The following CORO1C variants were observed in gnomAD, a reference collection of about 807,000 sequenced individuals.
The protein encoded by CORO1C is coronin-1C.
In CORO1C, 14 loss-of-function variants were observed where a neutral mutation model predicts 51.2. The observed-to-expected ratio is 0.27, with a 90% confidence interval of 0.18 to 0.43. The LOEUF is 0.43. Among genes scored for constraint, CORO1C ranks in the 20% least tolerant of loss-of-function variants. CORO1C has a pLI of 1.00. For missense variants in CORO1C, 417 were observed against 607.8 expected, an observed-to-expected ratio of 0.69 and a Z score of 3.30; for synonymous variants, 181 against 210.5, an observed-to-expected ratio of 0.86 and a Z score of 1.21.
At chr12:108,708,830 G>A (rs947465056) in intron 1 of CORO1C, among the ~76,000 whole-genome samples, 1 of 151,834 alleles carries the variant, frequency 6.6e-6, no homozygotes, top group Non-Finnish European at 1.5e-5. Flanking sequence ...ATAGCTCATT[G>A]CAGCCTGAAA....
rs745728099 is a variant in CORO1C at position 108,649,029 on chromosome 12, G to A, written c.1002-9C>T. ...CATGAAGTTTGAAGAATCTTCAGAG[G>A]GGAAATAAAGGCAAAGTTGCATTAA... On this transcript the variant is annotated splice_polypyrimidine_tract_variant and intron_variant, in intron 8 of 10. Transcript: ENST00000261401. 5.0e-6 allele frequency: 8 copies of A among 1,613,806 alleles called. No homozygotes were observed. In the East Asian group the frequency reaches 1.3e-4, roughly 27 times the overall value.
intron 8 of CORO1C, among the ~76,000 whole-genome samples, chr12:108,650,018 G>C (rs2136792220): frequency 6.6e-6 from 1 of 152,254 alleles, no homozygotes; most frequent in Non-Finnish European, 1.5e-5. Context: ...AGACAACCTG[G>C]CAGATACACT....
At chr12:108,662,284 A>G (rs1592861976) in intron 3 of CORO1C, 126 bp from the exon 4 acceptor site, 4 of 805,392 alleles carry the variant, frequency 5.0e-6, no homozygotes, top group Non-Finnish European at 8.0e-6. Flanking sequence ...TCTGGATGAA[A>G]GGCAGAATGT....
intron 2 of CORO1C, among the ~76,000 whole-genome samples, chr12:108,699,495 G>A (rs34292438): frequency 0.019 from 2,897 of 152,268 alleles, 39 homozygotes; most frequent in Non-Finnish European, 0.032. Flanking sequence ...ATAAAAACTC[G>A]TAACTCCAAA....
chr12:108,647,487 C>T lies in CORO1C; in HGVS notation c.1341G>A (p.Glu447=). Residue 447 remains glutamate (E), a synonymous_variant, in exon 11 of 11, where the codon GAG becomes GAA. Transcript: ENST00000261401. Reference sequence around the variant, plus strand: ...AGATTGTGTCTTTTATAGATTTGATCTCTTTTAAAATCTCATCCAACTTGG... The same window carrying T: ...AGATTGTGTCTTTTATAGATTTGATTTCTTTTAAAATCTCATCCAACTTGG... The part of the protein sequence containing the change: ...NEAKLDEILK[E]IKSIKDTICN... 2 of 1,605,878 alleles carry T rather than the reference C, an allele frequency of 1.2e-6. No homozygotes were observed. The highest frequency in any genetic ancestry group is 1.1e-5 in the South Asian group (1 of 90,518).
At chr12:108,710,685 T>G (rs147132916) in intron 1 of CORO1C, among the ~76,000 whole-genome samples, 1 of 151,998 alleles carries the variant, frequency 6.6e-6, no homozygotes, top group African/African-American at 2.4e-5. Context: ...TGCCTCAGCC[T>G]CCCGAGTAGC....
intron 1 of CORO1C, among the ~76,000 whole-genome samples, chr12:108,704,146 AC>A (rs2034959506): frequency 6.6e-6 from 1 of 152,206 alleles, no homozygotes; most frequent in Non-Finnish European, 1.5e-5. Context: ...AAGATACTAT[AC>A]AAATCTTCTG....
At position 108,702,929 on chromosome 12, in the gene CORO1C, C is replaced by G. The variant is rs2034921013; in HGVS notation, c.-5-1606G>C. On this transcript the variant is annotated intron_variant, in intron 1 of 10. Coordinates refer to ENST00000261401, the MANE Select transcript of CORO1C (RefSeq NM_014325.4). ...AGCTGTTATTGCCAGACTTTCCCAG[C>G]TGACTACCAGGGCCATACATTTTGA... 2.0e-6 allele frequency: 3 copies of G among 1,534,904 alleles called. No homozygotes were observed. In the African/African-American group the frequency reaches 4.1e-5, roughly 21 times the overall value.
intron 1 of CORO1C, chr12:108,730,689 TC>T (rs2035700403): frequency 6.6e-6 from 1 of 151,786 alleles, no homozygotes; most frequent in Non-Finnish European, 1.5e-5. Flanking sequence ...GCTTCGTTCC[TC>T]CCCTCCCAAC....
rs144967609 is a variant in CORO1C, at chr12:108,654,353, G to A, written c.808C>T (p.Leu270=). Residue 270 remains leucine, a synonymous_variant, in exon 7 of 11, where the codon CTG becomes TTG. Coordinates refer to ENST00000261401, the MANE Select transcript of CORO1C (RefSeq NM_014325.4). ...HEMDTSNGVL[L]PFYDPDTSII... ...CTGGTGTCAGGGTCATAGAAAGGCA[G>A]CAACACCCCATTGCTAGTGTCCATC... 3.7e-5 allele frequency: 59 copies of A among 1,613,408 alleles called. No homozygotes were observed. Among genetic ancestry groups the A allele is most frequent in the Non-Finnish European group, 4.5e-5 (53 of 1,179,516 alleles).
rs1319522050 is a variant in CORO1C at position 108,645,669 on chromosome 12, C to T, written c.*1734G>A. 6.6e-6 allele frequency: 1 copy of T among 152,152 alleles called. No individual in the cohort carries two copies. The highest frequency in any genetic ancestry group is 6.5e-5 in the Admixed American group (1 of 15,280). The allele number at this position is 152,152 out of a possible 1,614,324, so 9.4% of individuals were successfully genotyped here. A position where few individuals can be genotyped will look rare whatever the true frequency, so the allele number is the denominator to read the frequency against. On this transcript the variant is annotated 3_prime_UTR_variant, in exon 11 of 11. Transcript: ENST00000261401. Reference sequence around the variant, plus strand: ...ACTCCCAGTATTGGCTGGATAAGAACATGGTCCTTTTTCTACACGGACATT... The same window carrying T: ...ACTCCCAGTATTGGCTGGATAAGAATATGGTCCTTTTTCTACACGGACATT...
At chr12:108,657,658 C>T (rs777949815) in intron 5 of CORO1C, among the ~76,000 whole-genome samples, 18 of 152,328 alleles carry the variant, frequency 1.2e-4, no homozygotes, top group Admixed American at 9.8e-4. Flanking sequence ...TCAGAAGACT[C>T]GCTCTCTCCA....
At chr12:108,700,468 A>G (rs2136864567) in intron 2 of CORO1C, among the ~76,000 whole-genome samples, 1 of 152,288 alleles carries the variant, frequency 6.6e-6, no homozygotes, top group South Asian at 2.1e-4. Context: ...TGGGAGGATA[A>G]AGGAAGGAGG....
At chr12:108,714,178 C>CT (rs2035262512) in intron 1 of CORO1C, among the ~76,000 whole-genome samples, 1 of 151,682 alleles carries the variant, frequency 6.6e-6, no homozygotes, top group Non-Finnish European at 1.5e-5. Flanking sequence ...ATCACGAAGT[C>CT]AAGGGATTGA....
At chr12:108,730,802 T>C (rs1246475571) in intron 1 of CORO1C, 1 of 126,942 alleles carries the variant, frequency 7.9e-6, no homozygotes, top group South Asian at 2.6e-4. Flanking sequence ...CCGCCCCGCC[T>C]GACCCCCAAC....
chr12:108,676,551 C>A (rs2033915800), intron 3 of CORO1C, among the ~76,000 whole-genome samples: 2 of 151,852 alleles, frequency 1.3e-5, no homozygotes, highest in African/African-American at 4.8e-5. Context: ...GCGGGGGGAT[C>A]ACTTGAGGTC....
intron 10 of CORO1C, among the ~76,000 whole-genome samples, chr12:108,648,331 A>G (rs1482486163): frequency 6.6e-6 from 1 of 152,198 alleles, no homozygotes; most frequent in Admixed American, 6.5e-5. Flanking sequence ...ACTGAGAGAT[A>G]GGAGGAAACT....
chr12:108,701,051 T>A, intron 2 of CORO1C, 73 bp downstream of exon 2: 5 of 1,498,516 alleles, frequency 3.3e-6, no homozygotes, highest in Non-Finnish European at 3.7e-6. Context: ...CTTAGTGAAC[T>A]GTCAATCTAT....
chr12:108,656,622 G>A (rs1330886771), intron 6 of CORO1C, among the ~76,000 whole-genome samples: 1 of 152,248 alleles, frequency 6.6e-6, no homozygotes, highest in Non-Finnish European at 1.5e-5. Flanking sequence ...GGAAAAGGTG[G>A]GGAAAGGATA....
Sources: gnomAD v4.1 joint callset for allele counts (sites outside exome capture counted in the v4.1 genomes callset) on GRCh38, gnomAD v4.1.1 for gene constraint, MANE v1.5 for transcripts, NCBI Gene and HGNC (gene_info 2026-07-23, HGNC 2026-07-21) for gene names.